The following NSMCE4A variants were observed in gnomAD, a reference collection of about 807,000 sequenced individuals.
NSMCE4A encodes the protein NSE4A component of SMC5/6 complex.
A neutral mutation model predicts 47.9 loss-of-function variants in NSMCE4A; 40 were observed. The observed-to-expected ratio is 0.83, with a 90% CI of 0.65 to 1.09. NSMCE4A has a LOEUF of 1.09. Ranked by LOEUF, NSMCE4A falls within the 50% of genes least tolerant of loss-of-function variation. The pLI, the probability that NSMCE4A is intolerant of heterozygous loss-of-function variation, is 0.00. For missense variants in NSMCE4A, 500 were observed against 507.0 expected (o/e 0.99, Z 0.13); for synonymous variants, 166 against 178.5 (o/e 0.93, Z 0.56).
chr10:121,964,751 T>C lies in NSMCE4A; in HGVS notation c.753+535A>G, dbSNP rs572808120. On this transcript the variant is annotated intron_variant, in intron 5 of 10. Coordinates refer to ENST00000369023, the MANE Select transcript of NSMCE4A (RefSeq NM_017615.3). ...CACTGTGCCTGGCCTCAGTAACATT[T>C]TCATATCAATTTCTTAATAGAATAG... is the stretch of plus-strand genomic sequence containing the variant. Among the ~76,000 whole-genome samples the C allele has an allele frequency of 5.9e-5, 9 of 152,388 alleles. No individual in the cohort carries two copies. The South Asian group carries it at 1.9e-3, about 32-fold the overall frequency.
chr10:121,964,384 G>C (rs1352757894), intron 5 of NSMCE4A, among the ~76,000 whole-genome samples: 2 of 151,708 alleles, frequency 1.3e-5, no homozygotes, highest in African/African-American at 4.8e-5. Context: ...ACCTCAGGTG[G>C]ATCTGCCCGC....
Position 121,960,993 on chromosome 10 carries a change from TGTTA to T in NSMCE4A, c.939+426_939+429del, listed in dbSNP as rs1333788275. ...TACCCATATTCATCAGTCGTTAAAGTGTTAGTTACCACGTTTACTTTATCACTCT... is the reference window on the plus strand; with the variant it reads ...TACCCATATTCATCAGTCGTTAAAGTGTTACCACGTTTACTTTATCACTCT... On this transcript the variant is annotated intron_variant, in intron 7 of 10. Coordinates refer to ENST00000369023, the MANE Select transcript of NSMCE4A (RefSeq NM_017615.3). The surrounding 1 kb of genome is among the most constrained non-coding windows in gnomAD (Gnocchi z 4.2). 6.6e-6 allele frequency among the ~76,000 whole-genome samples: 1 copy of T among 152,208 alleles called. No individual in the cohort carries two copies. Among genetic ancestry groups the T allele is most frequent in the Admixed American group, 6.5e-5 (1 of 15,276 alleles).
chr10:121,974,419 G>A, intron 1 of NSMCE4A: 2 of 1,032,320 alleles, frequency 1.9e-6, no homozygotes, highest in Non-Finnish European at 1.2e-6. Flanking sequence ...CCACAGTTGC[G>A]CGGACCCACC....
At position 121,967,638 on chromosome 10, in the gene NSMCE4A, T is replaced by A; in HGVS notation, c.653+17A>T. On this transcript the variant is annotated intron_variant, in intron 4 of 10. Transcript: ENST00000369023. ...TTCACAAATAACTGGTCTGTTGGAT[T>A]TTTAAAATAATCTTACAGAAAGTGG... is the stretch of plus-strand genomic sequence containing the variant. 1 of 1,601,736 alleles carries A rather than the reference T, an allele frequency of 6.2e-7. No homozygotes were observed. The highest frequency in any genetic ancestry group is 8.5e-7 in the Non-Finnish European group (1 of 1,176,768).
Position 121,975,190 on chromosome 10 carries a change from G to C in NSMCE4A, c.-25C>G, listed in dbSNP as rs1952795482. 7.4e-7 allele frequency: 1 copy of C among 1,353,232 alleles called. No individual in the cohort carries two copies. The highest frequency in any genetic ancestry group is 1.8e-5 in the South Asian group (1 of 56,600). The allele number at this position is 1,353,232 out of a possible 1,614,324, so 83.8% of individuals were successfully genotyped here. On this transcript the variant is annotated 5_prime_UTR_variant, in exon 1 of 11. Transcript: ENST00000369023. ...TAGCGCCAATTCACCGTGCAACTTC[G>C]GAACGGCGGAAGTTCGCGCCAGAAA...
chr10:121,973,658 A>G (rs1952760976), intron 2 of NSMCE4A, among the ~76,000 whole-genome samples: 1 of 152,248 alleles, frequency 6.6e-6, no homozygotes, highest in Admixed American at 6.5e-5. Context: ...AGGCTAGCTC[A>G]GTTCTGTAAT....
Position 121,960,149 on chromosome 10 carries a change from ACAG to A in NSMCE4A, c.988+206_988+208del. On this transcript the variant is annotated intron_variant, in intron 8 of 10. Transcript: ENST00000369023. This position sits in a 1 kb window ranked among gnomAD's most constrained non-coding sequence, Gnocchi z 4.2. ...TTATATCATTTCTTTGTTAATATTT[ACAG>A]CAGATGTTGAATCAATGATATAGAT... 5.1e-6 allele frequency: 2 copies of A among 395,188 alleles called. No individual in the cohort carries two copies. The highest frequency in any genetic ancestry group is 9.0e-6 in the Non-Finnish European group (2 of 222,770). 24.5% of individuals were successfully genotyped at this position (395,188 alleles called of 1,614,324 possible). A position where few individuals can be genotyped will look rare whatever the true frequency, so the allele number is the denominator to read the frequency against.
At position 121,965,335 on chromosome 10, in the gene NSMCE4A, C is replaced by T. The variant is rs529375966; in HGVS notation, c.704G>A (p.Arg235His). The T allele has an allele frequency of 9.3e-6, 15 of 1,613,968 alleles. No homozygotes were observed. The highest frequency in any genetic ancestry group is 4.5e-5 in the East Asian group (2 of 44,880). ...TTGTATCACAGGAACTTTTCTTGGA[C>T]GATCAACTCGTGGCTTTGGCACAGG... Reference protein sequence around the residue: ...ECPVPKPRVDRPRKVPVIQEE... With the variant: ...ECPVPKPRVDHPRKVPVIQEE... The change falls in exon 5 of 11, where the codon CGT becomes CAT. Residue 235 changes from arginine (R) to histidine (H), a missense_variant. Arg to His is a conservative substitution (Grantham distance 29). Transcript: ENST00000369023.
intron 10 of NSMCE4A, 35 bp downstream of exon 10, chr10:121,959,289 A>C: frequency 6.4e-7 from 1 of 1,565,620 alleles, no homozygotes; most frequent in East Asian, 2.2e-5. Context: ...ATGAACTTTA[A>C]TAGAACTGTG....
At position 121,962,565 on chromosome 10, in the gene NSMCE4A, G is replaced by A. The variant is rs761665333; in HGVS notation, c.844+673C>T. The stretch of plus-strand genomic sequence containing the variant: ...AAGAATGTCCACATGGAAAAGTCAC[G>A]TAGCAGAAGAATGTGCATATTATGA... On this transcript the variant is annotated intron_variant, in intron 6 of 10. Coordinates refer to ENST00000369023, the MANE Select transcript of NSMCE4A (RefSeq NM_017615.3). Among the ~76,000 whole-genome samples, 6 of 152,098 alleles carry A rather than the reference G, an allele frequency of 3.9e-5. No homozygotes were observed. The East Asian group carries it at 5.8e-4, about 15-fold the overall frequency.
At chr10:121,957,590 C>G (rs539140957) in intron 10 of NSMCE4A, among the ~76,000 whole-genome samples, 2 of 151,916 alleles carry the variant, frequency 1.3e-5, no homozygotes, top group South Asian at 4.2e-4. Context: ...CCCACCACCA[C>G]GCCCAGCTAA....
chr10:121,969,501 TA>T (rs35005382), intron 3 of NSMCE4A, among the ~76,000 whole-genome samples: 85,485 of 138,132 alleles, frequency 0.62, 26,253 homozygotes, highest in South Asian at 0.77. Context: ...AAAAAAAAGT[TA>T]AAAAAAAAAA....
chr10:121,973,315 G>A (rs1452359418), intron 2 of NSMCE4A, among the ~76,000 whole-genome samples: 3 of 152,060 alleles, frequency 2.0e-5, no homozygotes, highest in Admixed American at 1.3e-4. Flanking sequence ...AGGGCTGGAG[G>A]GGACAGTGGT....
At position 121,970,883 on chromosome 10, in the gene NSMCE4A, T is replaced by C. The variant is rs1590790619; in HGVS notation, c.501+56A>G. The C allele has an allele frequency of 3.5e-6, 5 of 1,443,238 alleles. No individual in the cohort carries two copies. In the East Asian group the frequency reaches 1.2e-4, roughly 35 times the overall value. The allele number at this position is 1,443,238 out of a possible 1,614,324, so 89.4% of individuals were successfully genotyped here. ...TGCATATGGATATGAGCACAGTAAA[T>C]AATTATAATATATAACAGAACATTT... is the stretch of plus-strand genomic sequence containing the variant. On this transcript the variant is annotated intron_variant, in intron 3 of 10. Transcript: ENST00000369023.
In NSMCE4A at chr10:121,959,376, A is replaced by T. The variant is rs765094428; in HGVS notation, c.1118T>A (p.Val373Glu). The T allele has an allele frequency of 3.7e-6, 6 of 1,614,110 alleles. No homozygotes were observed. In the East Asian group the frequency reaches 1.3e-4, roughly 36 times the overall value. ...IVKTFEISEP[V>E]ITPSQRQQKP... ...CTGCTGCCTCTGACTTGGAGTAATC[A>T]CAGGCTCTGAAATCTCAAAGGTCTT... Residue 373 changes from valine to glutamate, a missense_variant, in exon 10 of 11, where the codon GTG becomes GAG. Coordinates refer to ENST00000369023, the MANE Select transcript of NSMCE4A (RefSeq NM_017615.3).
chr10:121,958,972 G>A (rs1219942177), intron 10 of NSMCE4A, among the ~76,000 whole-genome samples: 3 of 152,060 alleles, frequency 2.0e-5, no homozygotes, highest in African/African-American at 4.8e-5. Context: ...ATGCCACCAC[G>A]CCCAGCTAAT....
intron 1 of NSMCE4A, chr10:121,974,547 C>G: frequency 2.0e-6 from 2 of 1,015,376 alleles, no homozygotes; most frequent in Non-Finnish European, 2.4e-6. Flanking sequence ...CGAGGACTGC[C>G]GGGCGCAATC....
intron 3 of NSMCE4A, among the ~76,000 whole-genome samples, chr10:121,969,064 G>A (rs1006872465): frequency 2.6e-5 from 4 of 152,328 alleles, no homozygotes; most frequent in East Asian, 3.9e-4. Context: ...ACAGAGCTTG[G>A]CCGGGCACGG....
chr10:121,957,382 A>G (rs1435252883), intron 10 of NSMCE4A, 123 bp from the exon 11 acceptor site: 2 of 151,236 alleles, frequency 1.3e-5, no homozygotes, highest in African/African-American at 4.9e-5. Flanking sequence ...GTTAATCCAC[A>G]TTATATATCT....
Sources: gnomAD v4.1 joint callset for allele counts (sites outside exome capture counted in the v4.1 genomes callset) on GRCh38, gnomAD v4.1.1 for gene constraint, Gnocchi (gnomAD v3.1) non-coding constraint, MANE v1.5 for transcripts, NCBI Gene and HGNC (gene_info 2026-07-23, HGNC 2026-07-21) for gene names.